The following KCNIP4 variants were observed in gnomAD, a reference collection of about 807,000 sequenced individuals.
The protein encoded by KCNIP4 is Kv channel-interacting protein 4.
A neutral mutation model predicts 34.0 loss-of-function variants in KCNIP4; 12 were observed. The ratio of observed to expected loss-of-function variants is 0.35; its 90% confidence interval spans 0.23 to 0.57. The LOEUF is 0.57. Ranked by LOEUF, KCNIP4 falls within the 20% of genes least tolerant of loss-of-function variation. The pLI is 0.83. For synonymous variants in KCNIP4, 124 were observed against 102.2 expected (o/e 1.21, Z -1.29); for missense variants, 238 against 311.7 (o/e 0.76, Z 1.78).
chr4:21,050,957 CA>C (rs1345225539), intron 1 of KCNIP4, among the ~76,000 whole-genome samples: 4 of 152,202 alleles, frequency 2.6e-5, no homozygotes, highest in Non-Finnish European at 4.4e-5. Flanking sequence ...AGACCTCTTT[CA>C]AAAAAATGGC....
At chr4:21,526,641 A>G (rs1735998303) in intron 1 of KCNIP4, among the ~76,000 whole-genome samples, 1 of 152,072 alleles carries the variant, frequency 6.6e-6, no homozygotes, top group Non-Finnish European at 1.5e-5. Flanking sequence ...ATTGTTCTTG[A>G]TATTGCACCA....
rs1733013409 is a variant in KCNIP4, at chr4:21,498,263, T to C, written c.61+450308A>G. Among the ~76,000 whole-genome samples the C allele has an allele frequency of 2.0e-5, 3 of 151,892 alleles. No homozygotes were observed. In the Middle Eastern group the frequency reaches 0.01, roughly 524 times the overall value. On this transcript the variant is annotated intron_variant, in intron 1 of 8. Coordinates refer to ENST00000382152, the MANE Select transcript of KCNIP4 (RefSeq NM_025221.6). ...AAATTTTCGTTACCCACCAAGAAAC[T>C]TTTTTCTTTTGGTTATTTAGAACTA...
chr4:20,794,970 G>T (rs1194250710), intron 3 of KCNIP4, among the ~76,000 whole-genome samples: 1 of 152,152 alleles, frequency 6.6e-6, no homozygotes, highest in African/African-American at 2.4e-5. Flanking sequence ...GCAGAAACTT[G>T]TTTGTAACTA....
chr4:20,890,336 T>C (rs995072586), intron 1 of KCNIP4, among the ~76,000 whole-genome samples: 2 of 152,136 alleles, frequency 1.3e-5, no homozygotes, highest in Non-Finnish European at 2.9e-5. Context: ...TTGGTGGATA[T>C]GGATATGGGT....
chr4:21,945,231 C>T (rs1578170961), intron 1 of KCNIP4, among the ~76,000 whole-genome samples: 1 of 152,312 alleles, frequency 6.6e-6, no homozygotes, highest in South Asian at 2.1e-4. Flanking sequence ...AAATCTTGCA[C>T]ACAGATTTTA....
intron 1 of KCNIP4, among the ~76,000 whole-genome samples, chr4:21,514,625 G>T (rs182601280): frequency 1.2e-4 from 18 of 152,174 alleles, no homozygotes; most frequent in African/African-American, 4.3e-4. Context: ...ACACAGGGTC[G>T]TTGGAGGGTT....
At chr4:21,806,388 T>C (rs112410797) in intron 1 of KCNIP4, among the ~76,000 whole-genome samples, 2 of 152,198 alleles carry the variant, frequency 1.3e-5, no homozygotes, top group African/African-American at 4.8e-5. Flanking sequence ...CAGTGACCTG[T>C]AGTTATTACA....
chr4:21,549,290 T>A (rs1228612564), intron 1 of KCNIP4, among the ~76,000 whole-genome samples: 1 of 151,906 alleles, frequency 6.6e-6, no homozygotes, highest in Non-Finnish European at 1.5e-5. Context: ...TGGATGCTTG[T>A]CCCCTCCAAA....
intron 1 of KCNIP4, among the ~76,000 whole-genome samples, chr4:21,065,931 A>T (rs1744343243): frequency 6.6e-6 from 1 of 151,956 alleles, no homozygotes; most frequent in African/African-American, 2.4e-5. Flanking sequence ...TAGGATTTAG[A>T]TACTACCTAC....
chr4:21,923,852 G>T (rs1217161193), intron 1 of KCNIP4, among the ~76,000 whole-genome samples: 1 of 152,076 alleles, frequency 6.6e-6, no homozygotes, highest in Non-Finnish European at 1.5e-5. Context: ...TTTTTAATAT[G>T]GTGGCTCTGT....
intron 1 of KCNIP4, among the ~76,000 whole-genome samples, chr4:21,016,647 C>A (rs1299275148): frequency 6.6e-6 from 1 of 151,896 alleles, no homozygotes; most frequent in Middle Eastern, 3.2e-3. Context: ...CTCACTCACA[C>A]GGTTGCCTAG....
chr4:20,925,139 A>C (rs932904016), intron 1 of KCNIP4, among the ~76,000 whole-genome samples: 3 of 152,194 alleles, frequency 2.0e-5, no homozygotes, highest in African/African-American at 7.2e-5. Context: ...CATTATATGC[A>C]AAGGTTACCT....
At position 21,308,709 on chromosome 4, in the gene KCNIP4, T is replaced by TGA. The variant is rs199886931; in HGVS notation, c.62-426002_62-426001dup. ...AAGAAAGTTCTGTGCCCCTGCCGTG[T>TGA]GAGTGTGTGTGTGTGTGTGTGTGTG... On this transcript the variant is annotated intron_variant, in intron 1 of 8. Coordinates refer to ENST00000382152, the MANE Select transcript of KCNIP4 (RefSeq NM_025221.6). Among the ~76,000 whole-genome samples the TGA allele has an allele frequency of 5.7e-3, 543 of 95,360 alleles. 4 individuals are homozygous for TGA. The highest frequency in any genetic ancestry group is 8.7e-3 in the Non-Finnish European group (365 of 42,034). 62.6% of individuals were successfully genotyped at this position (95,360 alleles called of 152,430 possible).
chr4:20,993,321 G>C (rs1737252823), intron 1 of KCNIP4, among the ~76,000 whole-genome samples: 1 of 152,160 alleles, frequency 6.6e-6, no homozygotes, highest in Non-Finnish European at 1.5e-5. Flanking sequence ...AAATCCCAGA[G>C]AAAGAGAAGA....
intron 1 of KCNIP4, among the ~76,000 whole-genome samples, chr4:20,886,711 A>G (rs1725353455): frequency 6.6e-6 from 1 of 152,208 alleles, no homozygotes; most frequent in Non-Finnish European, 1.5e-5. Context: ...AGTAAGGGCC[A>G]TAGTGTATCA....
intron 1 of KCNIP4, among the ~76,000 whole-genome samples, chr4:20,887,874 A>G (rs1725490125): frequency 6.6e-6 from 1 of 151,680 alleles, no homozygotes; most frequent in Non-Finnish European, 1.5e-5. Flanking sequence ...TTCTTTGTTT[A>G]AAACAGCAAA....
intron 1 of KCNIP4, among the ~76,000 whole-genome samples, chr4:21,377,560 A>G (rs531435345): frequency 4.6e-4 from 70 of 152,314 alleles, no homozygotes; most frequent in African/African-American, 1.7e-3. Context: ...TGTATAGGGG[A>G]TCTGCTGTGG....
intron 1 of KCNIP4, among the ~76,000 whole-genome samples, chr4:21,032,513 A>C (rs1741110825): frequency 6.6e-6 from 1 of 152,108 alleles, no homozygotes; most frequent in African/African-American, 2.4e-5. Flanking sequence ...GGCATTCTTG[A>C]TGTTATTCAA....
At chr4:20,740,939 A>ATTC (rs1750922253) in intron 5 of KCNIP4, among the ~76,000 whole-genome samples, 1 of 151,526 alleles carries the variant, frequency 6.6e-6, no homozygotes, top group South Asian at 2.3e-4. Context: ...CTGATAAAAC[A>ATTC]GACATTAAAC....
Sources: gnomAD v4.1 joint callset for allele counts (sites outside exome capture counted in the v4.1 genomes callset) on GRCh38, gnomAD v4.1.1 for gene constraint, MANE v1.5 for transcripts, NCBI Gene and HGNC (gene_info 2026-07-23, HGNC 2026-07-21) for gene names.